XKR4: variants seen among roughly 807,000 people sequenced by gnomAD.
XKR4 encodes XK related 4, also known as XK-related protein 4.
XKR4 carries 12 observed loss-of-function variants against 53.9 expected under a neutral mutation model. The ratio of observed to expected loss-of-function variants is 0.22; its 90% confidence interval spans 0.14 to 0.36. The LOEUF (loss-of-function observed/expected upper bound fraction) is 0.36. Ranked by LOEUF, XKR4 falls within the 10% of genes least tolerant of loss-of-function variation. The pLI, the probability that XKR4 is intolerant of heterozygous loss-of-function variation, is 1.00. For missense variants in XKR4, 799 were observed against 859.5 expected (o/e 0.93, Z 0.88); for synonymous variants, 354 against 362.4 (o/e 0.98, Z 0.26).
chr8:55,477,684 G>A lies in XKR4; in HGVS notation c.1007-45597G>A, dbSNP rs565462860. On this transcript the variant is annotated intron_variant, in intron 2 of 2. Coordinates refer to ENST00000327381, the MANE Select transcript of XKR4 (RefSeq NM_052898.2). The stretch of plus-strand genomic sequence containing the variant: ...AAAAAATTAGATGAATGGATAACTA[G>A]GATAACCAACGCAGAGAGTCCTTAA... 5.7e-4 allele frequency among the ~76,000 whole-genome samples: 83 copies of A among 145,802 alleles called. 1 individual carries two copies. The highest frequency in any genetic ancestry group is 2.2e-3 in the African/African-American group (80 of 36,730).
chr8:55,333,683 C>T (rs1803411655), intron 1 of XKR4, among the ~76,000 whole-genome samples: 1 of 152,054 alleles, frequency 6.6e-6, no homozygotes, highest in Admixed American at 6.6e-5. Context: ...TCAAGCTGTG[C>T]CACTTTTGGA....
chr8:55,153,789 C>T (rs957051413), intron 1 of XKR4, among the ~76,000 whole-genome samples: 1 of 152,238 alleles, frequency 6.6e-6, no homozygotes, highest in Non-Finnish European at 1.5e-5. Flanking sequence ...AAGATTTCCT[C>T]TGCCACTAGC....
chr8:55,348,204 G>T (rs148289039), intron 1 of XKR4, among the ~76,000 whole-genome samples: 1 of 152,102 alleles, frequency 6.6e-6, no homozygotes, highest in Non-Finnish European at 1.5e-5. Flanking sequence ...GACAAGGACC[G>T]AAGACGTTAA....
At chr8:55,471,742 G>A (rs1285371068) in intron 2 of XKR4, among the ~76,000 whole-genome samples, 1 of 152,058 alleles carries the variant, frequency 6.6e-6, no homozygotes, top group Non-Finnish European at 1.5e-5. Context: ...CCATCCCCTT[G>A]GTGATGAGTA....
At chr8:55,407,627 C>T (rs775352209) in intron 2 of XKR4, among the ~76,000 whole-genome samples, 57 of 152,228 alleles carry the variant, frequency 3.7e-4, no homozygotes, top group Non-Finnish European at 6.3e-4. Context: ...CCCCCTGACA[C>T]CCGGGGAAGT....
At chr8:55,503,371 T>C (rs557273542) in intron 2 of XKR4, among the ~76,000 whole-genome samples, 93 of 152,262 alleles carry the variant, frequency 6.1e-4, no homozygotes, top group Non-Finnish European at 1.2e-3. Context: ...TAGCAACATT[T>C]TGTAGTTTTC....
chr8:55,326,560 T>C (rs1803297815), intron 1 of XKR4, among the ~76,000 whole-genome samples: 2 of 134,424 alleles, frequency 1.5e-5, no homozygotes, highest in Non-Finnish European at 3.1e-5. Flanking sequence ...AACCTCCACC[T>C]CCTGGACTCA....
intron 1 of XKR4, among the ~76,000 whole-genome samples, chr8:55,310,515 A>G (rs1819373874): frequency 6.6e-6 from 1 of 152,236 alleles, no homozygotes; most frequent in African/African-American, 2.4e-5. Flanking sequence ...GGGAAGATCT[A>G]AAGATTCAAA....
intron 2 of XKR4, among the ~76,000 whole-genome samples, chr8:55,488,618 T>A (rs922569575): frequency 2.6e-5 from 4 of 152,206 alleles, no homozygotes; most frequent in African/African-American, 9.7e-5. Context: ...AACTATATGA[T>A]ATTCTGGAAA....
intron 1 of XKR4, among the ~76,000 whole-genome samples, chr8:55,309,547 T>C (rs1347703633): frequency 6.6e-6 from 1 of 152,178 alleles, no homozygotes; most frequent in Non-Finnish European, 1.5e-5. Flanking sequence ...TTGTATAGAA[T>C]TTAATACACA....
At chr8:55,451,400 G>C (rs1487204085) in intron 2 of XKR4, 3 of 882,946 alleles carry the variant, frequency 3.4e-6, no homozygotes, top group African/African-American at 3.3e-5. Flanking sequence ...AGTGTGTTGC[G>C]TCCGGACGCA....
intron 1 of XKR4, among the ~76,000 whole-genome samples, chr8:55,146,987 C>A (rs1816779363): frequency 6.6e-6 from 1 of 152,180 alleles, no homozygotes; most frequent in African/African-American, 2.4e-5. Flanking sequence ...GGAAGCCATG[C>A]AATATCCAAC....
At chr8:55,428,713 G>C (rs1447401991) in intron 2 of XKR4, among the ~76,000 whole-genome samples, 2 of 152,306 alleles carry the variant, frequency 1.3e-5, no homozygotes, top group Middle Eastern at 6.8e-3. Flanking sequence ...TCAGTGTAGA[G>C]TCAGCAAAAC....
chr8:55,373,317 C>G (rs996238167), intron 2 of XKR4, among the ~76,000 whole-genome samples: 4 of 152,124 alleles, frequency 2.6e-5, no homozygotes, highest in African/African-American at 9.7e-5. Flanking sequence ...CAGGCATGCA[C>G]CACCACACCC....
At chr8:55,474,543 A>G (rs1266208965) in intron 2 of XKR4, among the ~76,000 whole-genome samples, 1 of 152,114 alleles carries the variant, frequency 6.6e-6, no homozygotes, top group Non-Finnish European at 1.5e-5. Context: ...CTTCAGTGAA[A>G]TGTCATCTAG....
At chr8:55,301,888 G>A (rs1667673444) in intron 1 of XKR4, among the ~76,000 whole-genome samples, 1 of 152,142 alleles carries the variant, frequency 6.6e-6, no homozygotes, top group South Asian at 2.1e-4. Context: ...GTAGATTCTG[G>A]ATATTAGCCC....
intron 2 of XKR4, among the ~76,000 whole-genome samples, chr8:55,494,770 G>A (rs1186009458): frequency 6.6e-6 from 1 of 152,106 alleles, no homozygotes. Flanking sequence ...GGTTTTTATG[G>A]ACCTCAGACG....
intron 1 of XKR4, among the ~76,000 whole-genome samples, chr8:55,122,616 T>TTCTGTTTTGGAA (rs1471528387): frequency 6.6e-6 from 1 of 152,216 alleles, no homozygotes; most frequent in African/African-American, 2.4e-5. Flanking sequence ...TTTTTGGAAT[T>TTCTGTTTTGGAA]AGCACGTGTT....
intron 2 of XKR4, among the ~76,000 whole-genome samples, chr8:55,423,218 C>A (rs992247993): frequency 7.2e-5 from 11 of 152,030 alleles, no homozygotes; most frequent in African/African-American, 2.7e-4. Context: ...GCCTCAGCCT[C>A]CTGAGTAGAT....
Sources: gnomAD v4.1 joint callset for allele counts (sites outside exome capture counted in the v4.1 genomes callset) on GRCh38, gnomAD v4.1.1 for gene constraint, MANE v1.5 for transcripts, NCBI Gene and HGNC (gene_info 2026-07-23, HGNC 2026-07-21) for gene names.